TRAT1: variants seen among roughly 807,000 people sequenced by gnomAD.
The protein encoded by TRAT1 is T cell receptor associated transmembrane adaptor 1.
In TRAT1, 20 loss-of-function variants were observed where a neutral mutation model predicts 20.0. The ratio of observed to expected loss-of-function variants is 1.00; its 90% CI spans 0.70 to 1.45. TRAT1 has a LOEUF of 1.45. TRAT1 is among the 40% of genes most tolerant of loss of function. The probability of loss-of-function intolerance (pLI) is 0.00; values close to 1 mark genes in which losing one functional copy is unlikely to be tolerated. For missense variants in TRAT1, 237 were observed against 224.1 expected, an observed-to-expected ratio of 1.06 and a Z score of -0.37; for synonymous variants, 77 against 74.2, an observed-to-expected ratio of 1.04 and a Z score of -0.20.
At chr3:108,827,516 G>A (rs1181963786) in intron 1 of TRAT1, among the ~76,000 whole-genome samples, 2 of 151,684 alleles carry the variant, frequency 1.3e-5, no homozygotes, top group East Asian at 1.9e-4. Context: ...TTCAAAATGG[G>A]GGTATTTATT....
chr3:108,827,384 ATGTGTGTGTGTGTG>A (rs71103493), intron 1 of TRAT1, among the ~76,000 whole-genome samples: 3 of 145,214 alleles, frequency 2.1e-5, no homozygotes, highest in East Asian at 2.0e-4. Flanking sequence ...GTATGTGTGT[ATGTGTGTGTGTGTG>A]TGTGTGTGTG....
intron 2 of TRAT1, 133 bp downstream of exon 2, chr3:108,830,913 T>A: frequency 1.6e-6 from 1 of 634,986 alleles, no homozygotes; most frequent in South Asian, 2.1e-5. Context: ...AAAATCTATT[T>A]GCTAATTTTT....
intron 3 of TRAT1, among the ~76,000 whole-genome samples, chr3:108,840,621 A>G (rs1945887615): frequency 6.6e-6 from 1 of 152,190 alleles, no homozygotes; most frequent in African/African-American, 2.4e-5. Context: ...GACAATAGCA[A>G]AATAAGTTTG....
intron 5 of TRAT1, among the ~76,000 whole-genome samples, chr3:108,849,695 A>T (rs1945979595): frequency 6.6e-6 from 1 of 152,252 alleles, no homozygotes; most frequent in African/African-American, 2.4e-5. Context: ...TTTAAAAGGC[A>T]GATGACTTTC....
rs757016777 is a variant in TRAT1, at chr3:108,849,257, G to C, written c.303+3G>C. On this transcript the variant is annotated splice_donor_region_variant and intron_variant, in intron 5 of 5. Transcript: ENST00000295756. ...AGGAAGCCACCCCATCTGCACAGGT[G>C]AGTTTTGTTTTCTGTTTCCACATTT... 15 of 1,612,784 alleles carry C rather than the reference G, an allele frequency of 9.3e-6. No individual in the cohort carries two copies. Among genetic ancestry groups the C allele is most frequent in the Non-Finnish European group, 1.2e-5 (14 of 1,179,196 alleles).
chr3:108,836,031 T>C (rs984588089), intron 2 of TRAT1, among the ~76,000 whole-genome samples: 1 of 152,166 alleles, frequency 6.6e-6, no homozygotes, highest in Non-Finnish European at 1.5e-5. Flanking sequence ...GCGATTCCCC[T>C]GCCTCAGCCT....
rs1223250839 is a variant in TRAT1, at chr3:108,854,041, C to T, written c.*164C>T. ...TATTCACAGCTTACACTTATGCATG[C>T]CAAATGTAAGGCCATGAAAATCAGT... On this transcript the variant is annotated 3_prime_UTR_variant, in exon 6 of 6. Coordinates refer to ENST00000295756, the MANE Select transcript of TRAT1 (RefSeq NM_016388.4). The T allele has an allele frequency of 1.0e-5, 6 of 599,188 alleles. No individual in the cohort carries two copies. The highest frequency in any genetic ancestry group is 5.2e-5 in the East Asian group (2 of 38,426). The allele number at this position is 599,188 out of a possible 1,614,324, so 37.1% of individuals were successfully genotyped here. A position where few individuals can be genotyped will look rare whatever the true frequency, so the allele number is the denominator to read the frequency against.
At chr3:108,838,375 TAGATAGATA>T (rs1945859591) in intron 2 of TRAT1, among the ~76,000 whole-genome samples, 1 of 151,568 alleles carries the variant, frequency 6.6e-6, no homozygotes, top group South Asian at 2.1e-4. Flanking sequence ...GATAGATAGA[TAGATAGATA>T]GATAGATAGA....
chr3:108,850,555 C>T (rs574188972), intron 5 of TRAT1, among the ~76,000 whole-genome samples: 5 of 152,250 alleles, frequency 3.3e-5, no homozygotes, highest in South Asian at 4.1e-4. Flanking sequence ...CCACCCACCT[C>T]GGCCTCCCAA....
intron 2 of TRAT1, 106 bp from the exon 3 acceptor site, chr3:108,838,828 A>G (rs1399261443): frequency 6.9e-6 from 6 of 867,460 alleles, no homozygotes; most frequent in Non-Finnish European, 1.2e-5. Flanking sequence ...TTGGTCAAAT[A>G]TATTAATTGA....
At chr3:108,842,461 C>G (rs2715678) in intron 3 of TRAT1, among the ~76,000 whole-genome samples, 151,435 of 152,298 alleles carry the variant, frequency 0.99, 75,291 homozygotes, top group East Asian at 1. Context: ...AGACTTCCAA[C>G]TGGCTATGCA....
chr3:108,836,721 T>C (rs1405355592), intron 2 of TRAT1, among the ~76,000 whole-genome samples: 2 of 152,230 alleles, frequency 1.3e-5, no homozygotes, highest in East Asian at 1.9e-4. Flanking sequence ...ACCTCTGACA[T>C]GTACTCTGTG....
At chr3:108,839,152 A>G (rs1433745116) in intron 3 of TRAT1, 185 bp downstream of exon 3, 4 of 559,524 alleles carry the variant, frequency 7.1e-6, no homozygotes, top group Non-Finnish European at 1.3e-5. Context: ...TGTCCTAGTT[A>G]TTTGCACACT....
In TRAT1 at chr3:108,851,229, G is replaced by GA. The variant is rs535471699; in HGVS notation, c.303+1981dup. ...TGATAGACAAAGTGTTTCTTCGTTG[G>GA]AAAAAATGTAAATAGGCTCCTTGGC... On this transcript the variant is annotated intron_variant, in intron 5 of 5. Coordinates refer to ENST00000295756, the MANE Select transcript of TRAT1 (RefSeq NM_016388.4). 3.6e-3 allele frequency among the ~76,000 whole-genome samples: 545 copies of GA among 152,256 alleles called. 2 individuals carry two copies. The highest frequency in any genetic ancestry group is 6.2e-3 in the Non-Finnish European group (422 of 68,004).
At chr3:108,824,161 C>A (rs1013844475) in intron 1 of TRAT1, among the ~76,000 whole-genome samples, 5 of 152,154 alleles carry the variant, frequency 3.3e-5, no homozygotes, top group East Asian at 1.9e-4. Flanking sequence ...TGAGCCACTG[C>A]GCCCAGCCCT....
chr3:108,830,323 T>G (rs1421689157), intron 1 of TRAT1, among the ~76,000 whole-genome samples: 1 of 152,200 alleles, frequency 6.6e-6, no homozygotes, highest in Non-Finnish European at 1.5e-5. Context: ...AGGTGAAAAG[T>G]ATAGCAAACT....
At chr3:108,826,763 T>C (rs1019087079) in intron 1 of TRAT1, among the ~76,000 whole-genome samples, 4 of 152,292 alleles carry the variant, frequency 2.6e-5, no homozygotes, top group Admixed American at 1.3e-4. Context: ...AGAAGCTATA[T>C]GCTGTAATAT....
Position 108,854,105 on chromosome 3 carries a change from T to TA in TRAT1, c.*234dup. ...TAAAAAATGCTTTACTACTAAAATG[T>TA]AAAAAATTAATGTGCTCACCTCGGC... On this transcript the variant is annotated 3_prime_UTR_variant, in exon 6 of 6. Transcript: ENST00000295756. The TA allele has an allele frequency of 2.3e-6, 1 of 439,790 alleles. No homozygotes were observed. Among genetic ancestry groups the TA allele is most frequent in the Non-Finnish European group, 4.1e-6 (1 of 246,688 alleles). The allele number at this position is 439,790 out of a possible 1,614,324, so 27.2% of individuals were successfully genotyped here.
At chr3:108,825,829 A>T (rs1369615043) in intron 1 of TRAT1, among the ~76,000 whole-genome samples, 1 of 152,188 alleles carries the variant, frequency 6.6e-6, no homozygotes, top group Non-Finnish European at 1.5e-5. Flanking sequence ...AACATCATAA[A>T]GTATTTTATT....
Sources: allele counts gnomAD v4.1 joint callset (sites outside exome capture counted in the v4.1 genomes callset), GRCh38; gene constraint gnomAD v4.1.1; transcripts MANE v1.5; gene names NCBI Gene and HGNC (gene_info 2026-07-23, HGNC 2026-07-21).